Variants in NCS1 observed in about 807,000 individuals in gnomAD.
NCS1 encodes frequenin homolog.
Under a neutral mutation model 28.4 loss-of-function variants are expected in NCS1, and 6 were observed. The ratio of observed to expected loss-of-function variants is 0.21; its 90% confidence interval spans 0.12 to 0.42. The LOEUF (loss-of-function observed/expected upper bound fraction) is 0.42. Among genes scored for constraint, NCS1 ranks in the 10% least tolerant of loss-of-function variants. The probability of loss-of-function intolerance (pLI) is 1.00; values close to 1 mark genes in which losing one functional copy is unlikely to be tolerated. For missense variants in NCS1, 131 were observed against 241.4 expected, an observed-to-expected ratio of 0.54 and a Z score of 3.03; for synonymous variants, 86 against 99.3, an observed-to-expected ratio of 0.87 and a Z score of 0.79.
At chr9:130,193,896 G>A (rs1832846616) in intron 1 of NCS1, 1 of 152,442 alleles carries the variant, frequency 6.6e-6, no homozygotes, top group Non-Finnish European at 1.5e-5. Context: ...CAGGCCCAAA[G>A]GCCCCGCCTT....
intron 2 of NCS1, among the ~76,000 whole-genome samples, chr9:130,216,197 C>T (rs761833185): frequency 7.5e-4 from 114 of 152,296 alleles, no homozygotes; most frequent in Non-Finnish European, 1.3e-3. Flanking sequence ...GCGCACCATG[C>T]GCGGTACTCC....
chr9:130,202,548 A>C (rs1469469382), intron 2 of NCS1, among the ~76,000 whole-genome samples: 2 of 149,922 alleles, frequency 1.3e-5, no homozygotes, highest in Non-Finnish European at 3.0e-5. Flanking sequence ...TTGGCCCCCA[A>C]CAGGCATCGT....
intron 1 of NCS1, chr9:130,200,624 T>A: frequency 1.3e-6 from 2 of 1,551,748 alleles, no homozygotes; most frequent in Admixed American, 2.0e-5. Context: ...AAGTCTTAGA[T>A]GTTGGCCTGG....
At position 130,234,989 on chromosome 9, in the gene NCS1, C is replaced by G. The variant is rs991021349; in HGVS notation, c.*2017C>G. On this transcript the variant is annotated 3_prime_UTR_variant, in exon 8 of 8. Coordinates refer to ENST00000372398, the MANE Select transcript of NCS1 (RefSeq NM_014286.4). The surrounding 1 kb of genome is among the most constrained non-coding windows in gnomAD (Gnocchi z 6.1). ...AGCAGGCCTCCAGCCCGAGGAAGGC[C>G]TCTGCCGTAGTGACGTTGCCGTGTG... The G allele has an allele frequency of 1.3e-5, 2 of 152,386 alleles. No individual in the cohort carries two copies. Among genetic ancestry groups the G allele is most frequent in the Admixed American group, 1.3e-4 (2 of 15,284 alleles). The allele number at this position is 152,386 out of a possible 1,614,324, so 9.4% of individuals were successfully genotyped here.
At chr9:130,211,256 C>G (rs1001116912) in intron 2 of NCS1, among the ~76,000 whole-genome samples, 9 of 151,804 alleles carry the variant, frequency 5.9e-5, no homozygotes, top group African/African-American at 2.2e-4. Flanking sequence ...CTCTGCCACC[C>G]CTTTCTCCTG....
At chr9:130,216,630 C>T (rs2417164) in intron 2 of NCS1, among the ~76,000 whole-genome samples, 103,403 of 151,098 alleles carry the variant, frequency 0.68, 35,717 homozygotes, top group East Asian at 0.87. Context: ...GCAGGAGAAT[C>T]GCTTGAACCC....
Position 130,191,949 on chromosome 9 carries a change from T to C in NCS1, c.65-9009T>C, listed in dbSNP as rs1832821495. ...CCACTCCCACAGTGGGGACACGTGA[T>C]GGGGGGCTGGAGGGCAGAAGGGCTG... On this transcript the variant is annotated intron_variant, in intron 1 of 7. Transcript: ENST00000372398. The surrounding 1 kb of genome is among the most constrained non-coding windows in gnomAD (Gnocchi z 6.4). Among the ~76,000 whole-genome samples the C allele has an allele frequency of 6.6e-6, 1 of 151,962 alleles. No individual in the cohort carries two copies. Among genetic ancestry groups the C allele is most frequent in the South Asian group, 2.1e-4 (1 of 4,828 alleles).
chr9:130,219,679 G>T lies in NCS1; in HGVS notation c.229-46G>T. 7 of 1,590,336 alleles carry T rather than the reference G, an allele frequency of 4.4e-6. No homozygotes were observed. The highest frequency in any genetic ancestry group is 6.0e-6 in the Non-Finnish European group (7 of 1,158,486). On this transcript the variant is annotated intron_variant, in intron 3 of 7. Transcript: ENST00000372398. This position sits in a 1 kb window ranked among gnomAD's most constrained non-coding sequence, Gnocchi z 5.7. ...GTCCCGAGGTTCAGCCTGACCCGGT[G>T]GCCTGGCCGGCACTGACTGAGGCAA...
At chr9:130,222,805 G>C in intron 5 of NCS1, 67 bp downstream of exon 5, 1 of 1,505,316 alleles carries the variant, frequency 6.6e-7, no homozygotes, top group Non-Finnish European at 9.2e-7. Flanking sequence ...GAGAGACAGA[G>C]AGAGAGCACT....
chr9:130,209,780 C>A lies in NCS1; in HGVS notation c.90-8052C>A, dbSNP rs1476919515. 6.6e-6 allele frequency among the ~76,000 whole-genome samples: 1 copy of A among 152,174 alleles called. No homozygotes were observed. The highest frequency in any genetic ancestry group is 1.5e-5 in the Non-Finnish European group (1 of 68,034). ...AAGTGTAAGAACGCCGTTGTTGAAT[C>A]TAGGATTTTCTTTTCTCATCTCTAC... is the stretch of plus-strand genomic sequence containing the variant. On this transcript the variant is annotated intron_variant, in intron 2 of 7. Coordinates refer to ENST00000372398, the MANE Select transcript of NCS1 (RefSeq NM_014286.4). The surrounding 1 kb of genome is among the most constrained non-coding windows in gnomAD (Gnocchi z 4.4).
chr9:130,206,381 G>C (rs113978397), intron 2 of NCS1, among the ~76,000 whole-genome samples: 1 of 144,240 alleles, frequency 6.9e-6, no homozygotes, highest in African/African-American at 2.6e-5. Flanking sequence ...ACCCATTCTT[G>C]TTCTTTTTCT....
intron 1 of NCS1, among the ~76,000 whole-genome samples, chr9:130,184,731 G>T (rs768657573): frequency 1.3e-5 from 2 of 151,930 alleles, no homozygotes; most frequent in Middle Eastern, 3.4e-3. Flanking sequence ...AGGTTCAAGC[G>T]ATTCTCTTGC....
At chr9:130,212,435 A>G (rs1554908887) in intron 2 of NCS1, among the ~76,000 whole-genome samples, 1 of 150,840 alleles carries the variant, frequency 6.6e-6, no homozygotes, top group Non-Finnish European at 1.5e-5. Flanking sequence ...TGCACAGGAC[A>G]GGCCTGCACG....
In NCS1 at chr9:130,191,708, C is replaced by T. The variant is rs1304310180; in HGVS notation, c.65-9250C>T. ...TGCCGGGCAGACCGCAGTCAGCACCCGATGGCGACAGTGGCCGTCACAGCT... is the reference window on the plus strand; with the variant it reads ...TGCCGGGCAGACCGCAGTCAGCACCTGATGGCGACAGTGGCCGTCACAGCT... On this transcript the variant is annotated intron_variant, in intron 1 of 7. Transcript: ENST00000372398. The surrounding 1 kb of genome is among the most constrained non-coding windows in gnomAD (Gnocchi z 6.4). 1.3e-5 allele frequency among the ~76,000 whole-genome samples: 2 copies of T among 152,236 alleles called. No individual in the cohort carries two copies. The highest frequency in any genetic ancestry group is 4.8e-5 in the African/African-American group (2 of 41,472).
Position 130,233,090 on chromosome 9 carries a change from C to T in NCS1, c.*118C>T. The T allele has an allele frequency of 6.5e-6, 1 of 153,516 alleles. No individual in the cohort carries two copies. Among genetic ancestry groups the T allele is most frequent in the Non-Finnish European group, 1.5e-5 (1 of 68,742 alleles). The allele number at this position is 153,516 out of a possible 1,614,324, so 9.5% of individuals were successfully genotyped here. On this transcript the variant is annotated 3_prime_UTR_variant, in exon 8 of 8. Coordinates refer to ENST00000372398, the MANE Select transcript of NCS1 (RefSeq NM_014286.4). The surrounding 1 kb of genome is among the most constrained non-coding windows in gnomAD (Gnocchi z 4.8). ...AGCCTTCTTCCGCATCCACACACAG[C>T]CGGCTGCCCTTGACCCGGGAGGCCC...
intron 7 of NCS1, among the ~76,000 whole-genome samples, chr9:130,228,218 T>C (rs1250612029): frequency 6.6e-6 from 1 of 151,824 alleles, no homozygotes; most frequent in East Asian, 1.9e-4. Flanking sequence ...TGGGTCTCAC[T>C]CTGTTACCCA....
At chr9:130,218,188 CAT>C (rs1554909668) in intron 3 of NCS1, among the ~76,000 whole-genome samples, 2 of 152,234 alleles carry the variant, frequency 1.3e-5, no homozygotes, top group East Asian at 1.9e-4. Flanking sequence ...AATGCATGCA[CAT>C]GTGTGCACAC....
At chr9:130,217,126 G>A (rs546310380) in intron 2 of NCS1, among the ~76,000 whole-genome samples, 1 of 152,340 alleles carries the variant, frequency 6.6e-6, no homozygotes, top group African/African-American at 2.4e-5. Flanking sequence ...GCTCAGACAG[G>A]TGAGGGCGTT....
At chr9:130,173,206 G>C (rs892316635) in intron 1 of NCS1, among the ~76,000 whole-genome samples, 1 of 151,802 alleles carries the variant, frequency 6.6e-6, no homozygotes, top group African/African-American at 2.4e-5. Context: ...GTGTGGGGGG[G>C]GGGGTGGCGA....
Sources: allele counts gnomAD v4.1 joint callset (sites outside exome capture counted in the v4.1 genomes callset), GRCh38; gene constraint gnomAD v4.1.1; non-coding constraint Gnocchi (gnomAD v3.1); transcripts MANE v1.5; gene names NCBI Gene and HGNC (gene_info 2026-07-23, HGNC 2026-07-21).